UST: variants seen among roughly 807,000 people sequenced by gnomAD.
The protein encoded by UST is chondroitin sulfate 2-O-sulfotransferase.
Under a neutral mutation model 45.6 loss-of-function variants are expected in UST, and 21 were observed. The ratio of observed to expected loss-of-function variants is 0.46; its 90% CI spans 0.33 to 0.66. The LOEUF is 0.66. Among genes scored for constraint, UST ranks in the 30% least tolerant of loss-of-function variants. UST has a pLI of 0.02. For missense variants in UST, 463 were observed against 512.4 expected, an observed-to-expected ratio of 0.90 and a Z score of 0.93; for synonymous variants, 215 against 200.6, an observed-to-expected ratio of 1.07 and a Z score of -0.61.
Position 148,912,918 on chromosome 6 carries a change from T to A in UST, c.291+25889T>A, listed in dbSNP as rs576776716. Among the ~76,000 whole-genome samples the A allele has an allele frequency of 5.9e-5, 9 of 152,320 alleles. No homozygotes were observed. The South Asian group carries it at 1.7e-3, about 28-fold the overall frequency. On this transcript the variant is annotated intron_variant, in intron 2 of 7. Coordinates refer to ENST00000367463, the MANE Select transcript of UST (RefSeq NM_005715.3). ...TTGAAGGATCAGTTATCAGTGGTAA[T>A]GTGCACTTAAATCCACTGGGAATCT...
intron 1 of UST, among the ~76,000 whole-genome samples, chr6:148,808,247 T>C (rs1197582170): frequency 6.6e-6 from 1 of 152,184 alleles, no homozygotes. Flanking sequence ...ACATTCGCTT[T>C]TCTTACCCAG....
chr6:148,958,759 T>TG (rs1448792492), intron 4 of UST, among the ~76,000 whole-genome samples: 5 of 152,186 alleles, frequency 3.3e-5, no homozygotes, highest in Non-Finnish European at 5.9e-5. Context: ...TTGTATTTTT[T>TG]GGGGGGCGTA....
At chr6:149,055,388 A>G (rs1048318285) in intron 7 of UST, among the ~76,000 whole-genome samples, 3 of 152,154 alleles carry the variant, frequency 2.0e-5, no homozygotes, top group African/African-American at 7.2e-5. Context: ...ATGAAATTTC[A>G]TTTCATGCCC....
intron 5 of UST, among the ~76,000 whole-genome samples, chr6:148,992,539 C>T (rs146659493): frequency 3.3e-5 from 5 of 152,198 alleles, no homozygotes; most frequent in African/African-American, 1.2e-4. Flanking sequence ...CTTTGAGAAC[C>T]ACTGTGCTAG....
intron 1 of UST, among the ~76,000 whole-genome samples, chr6:148,879,952 C>CTTTTTTTTTTCT (rs1582874251): frequency 0.017 from 2,005 of 119,682 alleles, 37 homozygotes; most frequent in African/African-American, 0.046. Context: ...TTTTTTTTTT[C>CTTTTTTTTTTCT]TTTTTTTTTT....
intron 2 of UST, among the ~76,000 whole-genome samples, chr6:148,928,142 A>G (rs1240178709): frequency 6.7e-6 from 1 of 148,326 alleles, no homozygotes; most frequent in Non-Finnish European, 1.5e-5. Context: ...TTTTTTTTTC[A>G]CTCTATTGCC....
intron 1 of UST, among the ~76,000 whole-genome samples, chr6:148,765,066 T>C: frequency 6.6e-6 from 1 of 152,208 alleles, no homozygotes; most frequent in East Asian, 1.9e-4. Context: ...TAGCGGTATT[T>C]CTCTTACCCA....
chr6:148,977,751 C>CAAAAA (rs60475773), intron 5 of UST, among the ~76,000 whole-genome samples: 46 of 88,056 alleles, frequency 5.2e-4, no homozygotes, highest in South Asian at 7.7e-4. Flanking sequence ...GAATCTGTCT[C>CAAAAA]AAAAAAAAAA....
At chr6:148,865,999 ATGTG>A (rs1778421403) in intron 1 of UST, among the ~76,000 whole-genome samples, 1 of 151,936 alleles carries the variant, frequency 6.6e-6, no homozygotes, top group South Asian at 2.1e-4. Flanking sequence ...TTTAGAATAT[ATGTG>A]TGTGTATGTA....
chr6:148,912,940 A>G (rs17665489), intron 2 of UST, among the ~76,000 whole-genome samples: 41,611 of 152,094 alleles, frequency 0.27, 6,126 homozygotes, highest in Non-Finnish European at 0.33. Context: ...TCCACTGGGA[A>G]TCTTGTGAAA....
At chr6:148,951,382 G>A (rs1230650031) in intron 3 of UST, among the ~76,000 whole-genome samples, 5 of 152,182 alleles carry the variant, frequency 3.3e-5, no homozygotes. Flanking sequence ...ATATTCCACT[G>A]TCTTCTTCAT....
intron 1 of UST, among the ~76,000 whole-genome samples, chr6:148,837,384 A>G (rs1777806464): frequency 6.6e-6 from 1 of 152,192 alleles, no homozygotes; most frequent in African/African-American, 2.4e-5. Flanking sequence ...GGTTTGTTCT[A>G]AAAACCAGAA....
At chr6:148,819,833 T>C (rs377069321) in intron 1 of UST, among the ~76,000 whole-genome samples, 1 of 152,208 alleles carries the variant, frequency 6.6e-6, no homozygotes, top group Admixed American at 6.5e-5. Context: ...GCATCTTCCA[T>C]TGGAAGTTCT....
intron 5 of UST, chr6:149,005,678 T>C (rs1198726776): frequency 1.1e-6 from 1 of 917,792 alleles, no homozygotes; most frequent in African/African-American, 1.8e-5. Flanking sequence ...AAAATGCAAG[T>C]ATTTCTTGGA....
intron 1 of UST, among the ~76,000 whole-genome samples, chr6:148,886,123 A>G (rs1270774598): frequency 1.3e-5 from 2 of 152,200 alleles, no homozygotes; most frequent in Non-Finnish European, 2.9e-5. Context: ...GATGGCAGGA[A>G]GGACTCTAGG....
At chr6:148,787,533 G>A (rs1437782566) in intron 1 of UST, among the ~76,000 whole-genome samples, 1 of 152,026 alleles carries the variant, frequency 6.6e-6, no homozygotes, top group East Asian at 1.9e-4. Flanking sequence ...TCTCTATTCT[G>A]TTCCATAGGT....
chr6:148,925,941 C>T (rs1012815883), intron 2 of UST, among the ~76,000 whole-genome samples: 1 of 152,188 alleles, frequency 6.6e-6, no homozygotes, highest in African/African-American at 2.4e-5. Context: ...TTTACCGTGA[C>T]CTAGCAGATT....
intron 1 of UST, among the ~76,000 whole-genome samples, chr6:148,860,544 T>G (rs1179472481): frequency 6.6e-6 from 1 of 151,918 alleles, no homozygotes. Context: ...TGAACAGGAG[T>G]GGTGAGAGAG....
chr6:148,846,346 G>T (rs955286667), intron 1 of UST, among the ~76,000 whole-genome samples: 9 of 151,768 alleles, frequency 5.9e-5, no homozygotes, highest in Admixed American at 5.3e-4. Flanking sequence ...CTATCGCAAG[G>T]ACAAAAAACC....
Sources: gnomAD v4.1 joint callset for allele counts (sites outside exome capture counted in the v4.1 genomes callset) on GRCh38, gnomAD v4.1.1 for gene constraint, MANE v1.5 for transcripts, NCBI Gene and HGNC (gene_info 2026-07-23, HGNC 2026-07-21) for gene names.